Variants in CARD8 observed in about 807,000 individuals in gnomAD.
CARD8 encodes the protein caspase recruitment domain family member 8, also known as caspase recruitment domain-containing protein 8.
CARD8 carries 38 observed loss-of-function variants against 53.2 expected under a neutral mutation model. That is an observed-to-expected ratio of 0.71 (90% CI 0.55 to 0.94). The LOEUF is 0.94. Ranked by LOEUF, CARD8 falls within the 40% of genes least tolerant of loss-of-function variation. The probability of loss-of-function intolerance (pLI) is 0.00; values close to 1 mark genes in which losing one functional copy is unlikely to be tolerated. For missense variants in CARD8, 561 were observed against 655.5 expected (o/e 0.86, Z 1.57); for synonymous variants, 245 against 244.9 (o/e 1.00, Z 0.00).
At chr19:48,240,637 T>C (rs2044820447) in intron 4 of CARD8, among the ~76,000 whole-genome samples, 1 of 151,874 alleles carries the variant, frequency 6.6e-6, no homozygotes, top group Non-Finnish European at 1.5e-5. Context: ...GGCGTGGTGG[T>C]GCATGCCTGT....
chr19:48,230,524 A>C lies in CARD8; in HGVS notation c.949T>G (p.Ser317Ala), dbSNP rs2042655737. Reference sequence around the variant, plus strand: ...GGGTGATAATAGATCAATGTGTTGGAAGTGATGGGGATGGAGAGGCGAGTC... The same window carrying C: ...GGGTGATAATAGATCAATGTGTTGGCAGTGATGGGGATGGAGAGGCGAGTC... ...SGTRLSIPITSNTLIYYHPHP... is the reference protein window; with the variant it reads ...SGTRLSIPITANTLIYYHPHP... Residue 317 changes from serine (S) to alanine (A), a missense_variant, in exon 10 of 14, where the codon TCC (serine) becomes GCC (alanine). Physicochemically the swap from Ser to Ala is moderately conservative, Grantham distance 99 (BLOSUM62 1). Coordinates refer to ENST00000651546, the MANE Select transcript of CARD8 (RefSeq NM_001184900.3). 6.2e-7 allele frequency: 1 copy of C among 1,614,012 alleles called. No individual in the cohort carries two copies. The highest frequency in any genetic ancestry group is 1.1e-5 in the South Asian group (1 of 91,082).
chr19:48,219,962 C>A (rs1259362460), intron 11 of CARD8, among the ~76,000 whole-genome samples: 3 of 152,108 alleles, frequency 2.0e-5, no homozygotes, highest in African/African-American at 7.2e-5. Flanking sequence ...CAGAGTAAGA[C>A]TCTGTCTCAA....
At position 48,232,550 on chromosome 19, in the gene CARD8, TG is replaced by T. The variant is rs1190874091; in HGVS notation, c.351-58del. 4 of 1,414,772 alleles carry T rather than the reference TG, an allele frequency of 2.8e-6. No individual in the cohort carries two copies. The Admixed American group carries it at 7.9e-5, about 28-fold the overall frequency. The allele number at this position is 1,414,772 out of a possible 1,614,324, so 87.6% of individuals were successfully genotyped here. A position where few individuals can be genotyped will look rare whatever the true frequency, so the allele number is the denominator to read the frequency against. On this transcript the variant is annotated intron_variant, in intron 6 of 13. Transcript: ENST00000651546. Reference sequence around the variant, plus strand: ...ATGAAAAACATCAAGAATCAGTTGATGAAGATGAAGACGATGTTATTGAAAA... The same window carrying T: ...ATGAAAAACATCAAGAATCAGTTGATAAGATGAAGACGATGTTATTGAAAA...
intron 3 of CARD8, among the ~76,000 whole-genome samples, chr19:48,244,257 C>T (rs373126159): frequency 5.2e-4 from 79 of 152,172 alleles, no homozygotes; most frequent in African/African-American, 1.9e-3. Flanking sequence ...TGAGAAATAA[C>T]AGTTTATCTT....
chr19:48,221,198 T>C (rs1350821455), intron 11 of CARD8, among the ~76,000 whole-genome samples: 1 of 152,172 alleles, frequency 6.6e-6, no homozygotes, highest in African/African-American at 2.4e-5. Context: ...CCAGGGCACT[T>C]CTTGGGAGAA....
chr19:48,238,408 C>A lies in CARD8; in HGVS notation c.184G>T (p.Ala62Ser). The part of the protein sequence containing the change: ...QYTKTGIFFQ[A>S]EACVTNDTVY... ...GTATCATTTGTCACACAGGCCTCAG[C>A]CTGAAAAAAAATTCCAGTTTTTGTG... The change falls in exon 5 of 14, where the codon GCT (alanine) becomes TCT (serine). Residue 62 changes from alanine (A) to serine (S), a missense_variant. Physicochemically the swap from Ala to Ser is moderately conservative, Grantham distance 99. Transcript: ENST00000651546. 6.5e-7 allele frequency: 1 copy of A among 1,536,072 alleles called. No homozygotes were observed. Among genetic ancestry groups the A allele is most frequent in the Non-Finnish European group, 8.7e-7 (1 of 1,146,886 alleles).
Position 48,211,672 on chromosome 19 carries a change from G to A in CARD8, c.*38C>T, listed in dbSNP as rs375359387. 1.1e-5 allele frequency: 17 copies of A among 1,585,356 alleles called. No homozygotes were observed. The African/African-American group carries it at 1.4e-4, about 13-fold the overall frequency. The stretch of plus-strand genomic sequence containing the variant: ...CTGTTTATCCATTTCCAATGAGAAC[G>A]CTGGATTCTCTCTTCCAGACTACCT... On this transcript the variant is annotated 3_prime_UTR_variant, in exon 14 of 14. Coordinates refer to ENST00000651546, the MANE Select transcript of CARD8 (RefSeq NM_001184900.3).
intron 3 of CARD8, among the ~76,000 whole-genome samples, chr19:48,244,478 G>A (rs1053396566): frequency 3.6e-4 from 55 of 152,250 alleles, no homozygotes; most frequent in Admixed American, 2.0e-3. Context: ...AAGTGCCAGA[G>A]GAGTAATTTC....
intron 1 of CARD8, among the ~76,000 whole-genome samples, chr19:48,255,463 T>G (rs1967060603): frequency 6.6e-6 from 1 of 152,240 alleles, no homozygotes; most frequent in South Asian, 2.1e-4. Context: ...CAGTGTAAAA[T>G]TATTAGTATT....
At chr19:48,251,506 G>A (rs1448675259) in intron 1 of CARD8, among the ~76,000 whole-genome samples, 2 of 152,128 alleles carry the variant, frequency 1.3e-5, no homozygotes, top group Admixed American at 1.3e-4. Flanking sequence ...CACTGAAACC[G>A]TAGAGGCCAA....
At chr19:48,252,806 T>TATATATATACAC (rs1555869987) in intron 1 of CARD8, among the ~76,000 whole-genome samples, 2 of 70,004 alleles carry the variant, frequency 2.9e-5, no homozygotes, top group African/African-American at 1.0e-4. Context: ...CTTATCAGTA[T>TATATATATACAC]ATACACACAC....
At chr19:48,247,570 T>C (rs2046321549) in intron 3 of CARD8, among the ~76,000 whole-genome samples, 1 of 151,848 alleles carries the variant, frequency 6.6e-6, no homozygotes, top group Non-Finnish European at 1.5e-5. Flanking sequence ...TGTATATGCA[T>C]AAAGAAACTC....
intron 10 of CARD8, among the ~76,000 whole-genome samples, chr19:48,222,442 G>A (rs917419862): frequency 2.0e-5 from 3 of 152,214 alleles, no homozygotes; most frequent in African/African-American, 7.2e-5. Flanking sequence ...TGTAATCCTA[G>A]CGCTTTGGGA....
intron 4 of CARD8, among the ~76,000 whole-genome samples, chr19:48,240,122 T>A (rs1291198407): frequency 6.6e-6 from 1 of 152,228 alleles, no homozygotes; most frequent in African/African-American, 2.4e-5. Context: ...GTGTCTGAAT[T>A]GCATACATGA....
At chr19:48,248,787 C>T (rs71357811) in intron 3 of CARD8, among the ~76,000 whole-genome samples, 1,812 of 152,310 alleles carry the variant, frequency 0.012, 26 homozygotes, top group Middle Eastern at 0.075. Flanking sequence ...GGGTAACAAA[C>T]TGAATGTCCA....
chr19:48,252,922 AAATTT>A (rs1297626582), intron 1 of CARD8, among the ~76,000 whole-genome samples: 6 of 152,080 alleles, frequency 3.9e-5, no homozygotes, highest in Admixed American at 2.0e-4. Flanking sequence ...AGTTGCTAGA[AAATTT>A]AATATACATT....
In CARD8 at chr19:48,230,517, G is replaced by A; in HGVS notation, c.956C>T (p.Thr319Ile). Residue 319 changes from threonine (T) to isoleucine (I), a missense_variant, in exon 10 of 14, where the codon ACA becomes ATA. Physicochemically the swap from Thr to Ile is moderately conservative, Grantham distance 89. Coordinates refer to ENST00000651546, the MANE Select transcript of CARD8 (RefSeq NM_001184900.3). ...GGGGTGGGGGTGATAATAGATCAAT[G>A]TGTTGGAAGTGATGGGGATGGAGAG... ...TRLSIPITSN[T>I]LIYYHPHPED... is the part of the protein sequence containing the mutation. The A allele has an allele frequency of 6.2e-7, 1 of 1,614,180 alleles. No homozygotes were observed. Among genetic ancestry groups the A allele is most frequent in the Non-Finnish European group, 8.5e-7 (1 of 1,180,020 alleles).
At chr19:48,245,503 G>A (rs968827066) in intron 3 of CARD8, among the ~76,000 whole-genome samples, 2 of 152,042 alleles carry the variant, frequency 1.3e-5, no homozygotes. Flanking sequence ...GTCAGCCACC[G>A]CACCAGCCAG....
intron 5 of CARD8, among the ~76,000 whole-genome samples, chr19:48,237,286 T>C (rs2146490457): frequency 6.6e-6 from 1 of 151,724 alleles, no homozygotes; most frequent in Middle Eastern, 3.4e-3. Context: ...AGCAAGACAG[T>C]GAAGGGGGAG....
Sources: allele counts gnomAD v4.1 joint callset (sites outside exome capture counted in the v4.1 genomes callset), GRCh38; gene constraint gnomAD v4.1.1; transcripts MANE v1.5; gene names NCBI Gene and HGNC (gene_info 2026-07-23, HGNC 2026-07-21).